The following SLC14A2 variants were observed in gnomAD, a reference collection of about 807,000 sequenced individuals.
SLC14A2 encodes urea transporter 2.
A neutral mutation model predicts 104.6 loss-of-function variants in SLC14A2; 91 were observed. That is an observed-to-expected ratio of 0.87 (90% confidence interval 0.73 to 1.04). The LOEUF is 1.04. Ranked by LOEUF, SLC14A2 falls within the 50% of genes least tolerant of loss-of-function variation. The pLI is 0.00. For missense variants in SLC14A2, 1,189 were observed against 1,156.0 expected, an observed-to-expected ratio of 1.03 and a Z score of -0.41; for synonymous variants, 476 against 466.4, an observed-to-expected ratio of 1.02 and a Z score of -0.27.
intron 2 of SLC14A2, among the ~76,000 whole-genome samples, chr18:45,497,328 G>C (rs11877693): frequency 0.16 from 23,906 of 152,158 alleles, 2,301 homozygotes; most frequent in African/African-American, 0.27. Flanking sequence ...CCAGGCATCA[G>C]GCACTGTGTT....
At chr18:45,638,284 G>T (rs2045457856) in intron 6 of SLC14A2, among the ~76,000 whole-genome samples, 1 of 152,136 alleles carries the variant, frequency 6.6e-6, no homozygotes, top group Admixed American at 6.5e-5. Context: ...CCTTTCGCAA[G>T]ATTATAAACT....
At chr18:45,506,023 C>G (rs1469251197) in intron 2 of SLC14A2, among the ~76,000 whole-genome samples, 1 of 152,140 alleles carries the variant, frequency 6.6e-6, no homozygotes, top group African/African-American at 2.4e-5. Flanking sequence ...GGAGGCTCAC[C>G]GCTTCCTGCT....
At chr18:45,278,511 G>A (rs576451456) in intron 1 of SLC14A2, among the ~76,000 whole-genome samples, 1 of 152,120 alleles carries the variant, frequency 6.6e-6, no homozygotes, top group South Asian at 2.1e-4. Context: ...AGTTGGGCAG[G>A]AAATAATAAA....
the SLC14A2 span, among the ~76,000 whole-genome samples, chr18:45,172,801 T>C: frequency 1.3e-5 from 2 of 152,148 alleles, no homozygotes; most frequent in African/African-American, 4.8e-5. Flanking sequence ...ATTCATAAAA[T>C]GTAATAATTG....
the SLC14A2 span, among the ~76,000 whole-genome samples, chr18:45,206,267 A>G: frequency 1.3e-5 from 2 of 152,134 alleles, no homozygotes; most frequent in African/African-American, 2.4e-5. Context: ...GGTGTAGTGG[A>G]AAGGCTGTAA....
chr18:45,288,354 T>G (rs1029503873), intron 1 of SLC14A2, among the ~76,000 whole-genome samples: 1 of 152,190 alleles, frequency 6.6e-6, no homozygotes. Flanking sequence ...CCTAGACTCA[T>G]GAGCAAACAA....
At chr18:45,518,103 A>T (rs951483082) in intron 2 of SLC14A2, among the ~76,000 whole-genome samples, 10 of 152,158 alleles carry the variant, frequency 6.6e-5, no homozygotes, top group Admixed American at 5.9e-4. Context: ...ATGGAATAGG[A>T]TATATATTTC....
chr18:45,173,452 C>T, the SLC14A2 span, among the ~76,000 whole-genome samples: 1 of 151,038 alleles, frequency 6.6e-6, no homozygotes, highest in African/African-American at 2.4e-5. Flanking sequence ...AAGGAGATTG[C>T]CTGAAAATTT....
intron 10 of SLC14A2, among the ~76,000 whole-genome samples, chr18:45,661,283 G>A (rs925297986): frequency 8.5e-5 from 13 of 152,298 alleles, no homozygotes; most frequent in African/African-American, 1.2e-4. Flanking sequence ...CTTAACAACC[G>A]GTAACTTTCC....
chr18:45,212,318 C>A (rs919635972), upstream of SLC14A2, among the ~76,000 whole-genome samples: 1 of 152,184 alleles, frequency 6.6e-6, no homozygotes. Context: ...TGAGGTATAA[C>A]TGTATTATGG....
At chr18:45,580,179 C>T (rs757870008) in intron 2 of SLC14A2, among the ~76,000 whole-genome samples, 2 of 152,112 alleles carry the variant, frequency 1.3e-5, no homozygotes, top group Non-Finnish European at 2.9e-5. Context: ...GGAAATGAGA[C>T]AAAGTAAACC....
chr18:45,472,110 G>C (rs1291891729), intron 1 of SLC14A2, among the ~76,000 whole-genome samples: 2 of 152,030 alleles, frequency 1.3e-5, no homozygotes, highest in Non-Finnish European at 2.9e-5. Flanking sequence ...TCCCCCTTAT[G>C]AGTGAGAATA....
chr18:45,596,860 C>T lies in SLC14A2; in HGVS notation c.-34-27771C>T, dbSNP rs541362321. Among the ~76,000 whole-genome samples, 5 of 152,294 alleles carry T rather than the reference C, an allele frequency of 3.3e-5. No individual in the cohort carries two copies. In the South Asian group the frequency reaches 1.0e-3, roughly 32 times the overall value. ...GGACTGTGGCCTCACCAAGATGACA[C>T]AAAAACTGCCTTCACAGCTGCTCTG... On this transcript the variant is annotated intron_variant, in intron 2 of 20. Transcript: ENST00000586448.
chr18:45,251,129 A>G (rs1694365124), intron 1 of SLC14A2, among the ~76,000 whole-genome samples: 1 of 152,126 alleles, frequency 6.6e-6, no homozygotes, highest in South Asian at 2.1e-4. Flanking sequence ...CCCATCACCC[A>G]AGCAGTATAC....
rs147353295 is a variant in SLC14A2, at chr18:45,519,536, A to G, written c.-35+36214A>G. 2.5e-3 allele frequency among the ~76,000 whole-genome samples: 384 copies of G among 152,100 alleles called. 4 individuals carry two copies. Among genetic ancestry groups the G allele is most frequent in the Admixed American group, 0.018 (277 of 15,270 alleles). ...ACACACACATACACCTCACTCACTCACCCCTGGGGGAATCCCAGACACATA... is the reference window on the plus strand; with the variant it reads ...ACACACACATACACCTCACTCACTCGCCCCTGGGGGAATCCCAGACACATA... On this transcript the variant is annotated intron_variant, in intron 2 of 20. Coordinates refer to the SLC14A2 transcript ENST00000586448.
chr18:45,669,466 A>G lies in SLC14A2; in HGVS notation c.2197A>G (p.Asn733Asp). 6.2e-7 allele frequency: 1 copy of G among 1,614,002 alleles called. No homozygotes were observed. Among genetic ancestry groups the G allele is most frequent in the Non-Finnish European group, 8.5e-7 (1 of 1,179,890 alleles). Reference sequence around the variant, plus strand: ...GCTGCAGCCTGCATCCGCCATGCCCAACATCACCTGGTCAGAGGTCCAAGT... The same window carrying G: ...GCTGCAGCCTGCATCCGCCATGCCCGACATCACCTGGTCAGAGGTCCAAGT... ...TLLQPASAMPNITWSEVQVPL... is the reference protein window; with the variant it reads ...TLLQPASAMPDITWSEVQVPL... Residue 733 changes from asparagine (N) to aspartate (D), a missense_variant, in exon 16 of 20, where the codon AAC becomes GAC. Asn to Asp is a conservative substitution (Grantham distance 23). Coordinates refer to ENST00000255226, the MANE Select transcript of SLC14A2 (RefSeq NM_007163.4).
the SLC14A2 span, among the ~76,000 whole-genome samples, chr18:45,205,586 G>A: frequency 1.3e-5 from 2 of 152,128 alleles, no homozygotes; most frequent in Admixed American, 6.5e-5. Flanking sequence ...AAAATAGATC[G>A]GGTAGATGCA....
chr18:45,238,138 C>A (rs1337848111), intron 1 of SLC14A2, among the ~76,000 whole-genome samples: 1 of 152,108 alleles, frequency 6.6e-6, no homozygotes, highest in Non-Finnish European at 1.5e-5. Context: ...ACAGAAAGTC[C>A]CCAAGCTACA....
intron 1 of SLC14A2, among the ~76,000 whole-genome samples, chr18:45,249,314 A>C (rs1443332620): frequency 1.3e-5 from 2 of 150,342 alleles, no homozygotes; most frequent in Non-Finnish European, 2.9e-5. Context: ...CTGTATGTAC[A>C]TGCAAAGGGT....
Sources: allele counts gnomAD v4.1 joint callset (sites outside exome capture counted in the v4.1 genomes callset), GRCh38; gene constraint gnomAD v4.1.1; transcripts MANE v1.5; gene names NCBI Gene and HGNC (gene_info 2026-07-23, HGNC 2026-07-21).